Variants in TMEM232 observed in about 807,000 individuals in gnomAD.
TMEM232 encodes the protein transmembrane protein 232.
A neutral mutation model predicts 78.8 loss-of-function variants in TMEM232; 80 were observed. That is an observed-to-expected ratio of 1.01 (90% CI 0.85 to 1.22). The LOEUF is 1.22. Among genes scored for constraint, TMEM232 ranks in the 50% most tolerant of loss-of-function variants. TMEM232 has a pLI of 0.00. For synonymous variants in TMEM232, 297 were observed against 254.3 expected (o/e 1.17, Z -1.60); for missense variants, 881 against 742.2 (o/e 1.19, Z -2.17).
intron 12 of TMEM232, among the ~76,000 whole-genome samples, chr5:110,429,423 G>C (rs1757588758): frequency 6.6e-6 from 1 of 151,714 alleles, no homozygotes; most frequent in Non-Finnish European, 1.5e-5. Context: ...GCAGAATTAT[G>C]GTTTTTCAAG....
At chr5:110,686,344 G>C (rs557592735) in intron 1 of TMEM232, among the ~76,000 whole-genome samples, 2 of 152,116 alleles carry the variant, frequency 1.3e-5, no homozygotes, top group Admixed American at 6.6e-5. Flanking sequence ...CACATGGAGA[G>C]CCATGTATAG....
intron 11 of TMEM232, among the ~76,000 whole-genome samples, chr5:110,530,815 C>T (rs58386182): frequency 0.058 from 8,858 of 152,150 alleles, 808 homozygotes; most frequent in African/African-American, 0.19. Context: ...GTAGTTAATA[C>T]AAATACATCA....
At chr5:110,521,054 G>C (rs1295861858) in intron 12 of TMEM232, among the ~76,000 whole-genome samples, 2 of 152,092 alleles carry the variant, frequency 1.3e-5, no homozygotes, top group Non-Finnish European at 2.9e-5. Context: ...ATTAAGCTGA[G>C]AGCTGGGCTG....
intron 12 of TMEM232, among the ~76,000 whole-genome samples, chr5:110,454,786 G>C (rs1246234561): frequency 1.3e-5 from 2 of 151,230 alleles, no homozygotes; most frequent in Non-Finnish European, 2.9e-5. Flanking sequence ...TAAGAAACTG[G>C]TAAAGAAAAG....
In TMEM232 at chr5:110,606,209, G is replaced by T. The variant is rs1274263163; in HGVS notation, c.981C>A (p.Asp327Glu). 1 of 1,547,462 alleles carries T rather than the reference G, an allele frequency of 6.5e-7. No homozygotes were observed. The highest frequency in any genetic ancestry group is 2.4e-5 in the East Asian group (1 of 40,846). Residue 327 changes from aspartate (D) to glutamate (E), a missense_variant, in exon 9 of 14, where the codon GAC (aspartate) becomes GAA (glutamate). By Grantham distance (45) the Asp-to-Glu change is conservative. Transcript: ENST00000455884. ...LNMACLKALM[D>E]VVRDFVSSIM... is the part of the protein sequence containing the mutation. ...TGCTTGAAACAAAATCTCTCACTAC[G>T]TCCATTAAAGCTTTCAAGCAGGCCA...
chr5:110,634,051 T>TAA (rs1580441207), intron 5 of TMEM232, among the ~76,000 whole-genome samples: 1 of 152,010 alleles, frequency 6.6e-6, no homozygotes, highest in East Asian at 1.9e-4. Flanking sequence ...TAACTATCCT[T>TAA]CTATTGGATA....
intron 12 of TMEM232, among the ~76,000 whole-genome samples, chr5:110,457,741 G>A (rs1401367126): frequency 6.6e-6 from 1 of 151,974 alleles, no homozygotes; most frequent in Non-Finnish European, 1.5e-5. Context: ...GCTAAGAGAA[G>A]GAAGTCACCT....
In TMEM232 at chr5:110,412,616, A is replaced by G. The variant is rs1192241026; in HGVS notation, n.308+12207T>C. On this transcript the variant is annotated intron_variant and non_coding_transcript_variant, in intron 2 of 8. Coordinates refer to the TMEM232 transcript ENST00000507188. ...AATGACAAGAAGAGAAACTTCCTGT[A>G]GCATAAAACTATGTGTATTTTAATT... Among the ~76,000 whole-genome samples, 5 of 152,030 alleles carry G rather than the reference A, an allele frequency of 3.3e-5. No individual in the cohort carries two copies. In the South Asian group the frequency reaches 8.3e-4, roughly 25 times the overall value.
intron 12 of TMEM232, among the ~76,000 whole-genome samples, chr5:110,477,699 CA>C (rs200655096): frequency 1.5e-3 from 226 of 150,740 alleles, no homozygotes; most frequent in African/African-American, 4.7e-3. Flanking sequence ...AAACTGCTTA[CA>C]AAAAAAAATT....
intron 8 of TMEM232, among the ~76,000 whole-genome samples, chr5:110,607,232 A>C (rs1230809238): frequency 6.6e-6 from 1 of 151,880 alleles, no homozygotes; most frequent in African/African-American, 2.4e-5. Flanking sequence ...AAGATTTTTC[A>C]AGACCTTTTT....
intron 12 of TMEM232, among the ~76,000 whole-genome samples, chr5:110,443,317 T>C (rs925549223): frequency 6.6e-6 from 1 of 152,156 alleles, no homozygotes; most frequent in African/African-American, 2.4e-5. Flanking sequence ...TTCCTGTTCT[T>C]TCCCTCTCTT....
intron 12 of TMEM232, among the ~76,000 whole-genome samples, chr5:110,485,583 C>G (rs1160476636): frequency 6.6e-6 from 1 of 152,122 alleles, no homozygotes; most frequent in Non-Finnish European, 1.5e-5. Flanking sequence ...TCCTGAGTTG[C>G]TTCACTTAGA....
chr5:110,485,950 T>C (rs1242783740), intron 12 of TMEM232, among the ~76,000 whole-genome samples: 2 of 152,148 alleles, frequency 1.3e-5, no homozygotes, highest in African/African-American at 4.8e-5. Flanking sequence ...TAGAAGTGTT[T>C]CCTGATCACT....
In TMEM232 at chr5:110,618,556, AT is replaced by A. The variant is rs1241267141; in HGVS notation, c.774del (p.Tyr259MetfsTer24). On this transcript the variant is annotated frameshift_variant, in exon 8 of 14. Transcript: ENST00000455884. LOFTEE classifies it high-confidence loss of function. ...TGCCAGAGCAGGTGGTTAATTTCATATCCTCCCTGATTAAATTGCAAATGTT... is the reference window on the plus strand; with the variant it reads ...TGCCAGAGCAGGTGGTTAATTTCATACCTCCCTGATTAAATTGCAAATGTT... The part of the protein sequence containing the change: ...RYENTDSDMG[G>X]YEINHLLWHC... 7 of 1,546,120 alleles carry A rather than the reference AT, an allele frequency of 4.5e-6. No individual in the cohort carries two copies. Among genetic ancestry groups the A allele is most frequent in the Non-Finnish European group, 1.7e-6 (2 of 1,145,526 alleles).
chr5:110,673,922 G>A (rs1791688956), intron 1 of TMEM232, among the ~76,000 whole-genome samples: 1 of 146,340 alleles, frequency 6.8e-6, no homozygotes, highest in Non-Finnish European at 1.5e-5. Context: ...ATAAAGGAAT[G>A]ATTTCTATAA....
chr5:110,708,392 T>A (rs1402497944), intron 1 of TMEM232, among the ~76,000 whole-genome samples: 1 of 152,170 alleles, frequency 6.6e-6, no homozygotes, highest in Non-Finnish European at 1.5e-5. Context: ...TAAGAAATCA[T>A]GTGAAGGCAC....
chr5:110,736,385 A>C (rs1799167955), intron 1 of TMEM232, among the ~76,000 whole-genome samples: 1 of 152,158 alleles, frequency 6.6e-6, no homozygotes, highest in Admixed American at 6.6e-5. Flanking sequence ...TTACAAAAAA[A>C]AGCTAAGTTT....
At chr5:110,622,054 C>T (rs1270932361) in intron 7 of TMEM232, among the ~76,000 whole-genome samples, 1 of 152,084 alleles carries the variant, frequency 6.6e-6, no homozygotes, top group Non-Finnish European at 1.5e-5. Flanking sequence ...AGTTTTCAGT[C>T]ATTTTGGGGG....
chr5:110,615,062 A>G (rs1782757950), intron 8 of TMEM232, among the ~76,000 whole-genome samples: 1 of 151,998 alleles, frequency 6.6e-6, no homozygotes, highest in Non-Finnish European at 1.5e-5. Context: ...GTCTCCCATC[A>G]CACTGTGAGA....
Sources: allele counts gnomAD v4.1 joint callset (sites outside exome capture counted in the v4.1 genomes callset), GRCh38; gene constraint gnomAD v4.1.1; transcripts MANE v1.5; gene names NCBI Gene and HGNC (gene_info 2026-07-23, HGNC 2026-07-21).